Variants in SCN11A observed in about 807,000 individuals in gnomAD.
SCN11A encodes the protein sodium voltage-gated channel alpha subunit 11, also known as sodium channel protein type 11 subunit alpha.
Under a neutral mutation model 162.2 loss-of-function variants are expected in SCN11A, and 122 were observed. The observed-to-expected ratio is 0.75, with a 90% confidence interval of 0.65 to 0.87. The LOEUF is 0.87. Among genes scored for constraint, SCN11A ranks in the 40% least tolerant of loss-of-function variants. The pLI, the probability that SCN11A is intolerant of heterozygous loss-of-function variation, is 0.00. For synonymous variants in SCN11A, 758 were observed against 751.5 expected (o/e 1.01, Z -0.14); for missense variants, 2,015 against 2,181.6 (o/e 0.92, Z 1.52).
At chr3:38,970,925 C>T (rs990049513) in intron 2 of SCN11A, among the ~76,000 whole-genome samples, 2 of 152,180 alleles carry the variant, frequency 1.3e-5, no homozygotes, top group East Asian at 3.9e-4. Flanking sequence ...AATCCCTAGA[C>T]CCATCTTCCT....
At chr3:39,023,111 G>A (rs1172085122) in intron 2 of SCN11A, among the ~76,000 whole-genome samples, 2 of 152,132 alleles carry the variant, frequency 1.3e-5, no homozygotes, top group African/African-American at 4.8e-5. Context: ...CTGACTGGAA[G>A]AAATGTTTAT....
chr3:38,922,690 A>C (rs1054533189), intron 9 of SCN11A, among the ~76,000 whole-genome samples: 1 of 152,186 alleles, frequency 6.6e-6, no homozygotes, highest in Non-Finnish European at 1.5e-5. Context: ...GAGGAGGAGG[A>C]GGAGGAGGAG....
intron 9 of SCN11A, among the ~76,000 whole-genome samples, chr3:38,922,879 C>T (rs2066076219): frequency 6.6e-6 from 1 of 151,814 alleles, no homozygotes; most frequent in Non-Finnish European, 1.5e-5. Flanking sequence ...CTAAATAGTT[C>T]CCATGTCTTT....
At chr3:39,043,264 CA>C in intron 1 of SCN11A, among the ~76,000 whole-genome samples, 1 of 152,114 alleles carries the variant, frequency 6.6e-6, no homozygotes, top group East Asian at 1.9e-4. Flanking sequence ...TTAGCAGTCT[CA>C]AAAAACTAAA....
intron 2 of SCN11A, among the ~76,000 whole-genome samples, chr3:38,980,946 A>C (rs1473652499): frequency 1.3e-5 from 2 of 152,194 alleles, no homozygotes; most frequent in African/African-American, 4.8e-5. Context: ...CAGAGCCTGA[A>C]ATTTCTGATA....
intron 11 of SCN11A, among the ~76,000 whole-genome samples, chr3:38,916,965 A>G (rs1416698499): frequency 1.3e-5 from 2 of 152,198 alleles, no homozygotes; most frequent in East Asian, 3.8e-4. Flanking sequence ...GCTGTGTACT[A>G]GGAGTTGGTT....
chr3:38,985,409 C>T (rs952778817), intron 2 of SCN11A, among the ~76,000 whole-genome samples: 3 of 150,696 alleles, frequency 2.0e-5, no homozygotes, highest in Admixed American at 1.3e-4. Context: ...GGATTACAGG[C>T]GTGAGCCACC....
At chr3:38,886,441 G>A (rs980163423) in intron 19 of SCN11A, among the ~76,000 whole-genome samples, 3 of 152,146 alleles carry the variant, frequency 2.0e-5, no homozygotes, top group African/African-American at 7.2e-5. Context: ...AACAGATACT[G>A]AACTTGTTAC....
chr3:38,993,172 C>T (rs1283527157), intron 2 of SCN11A, among the ~76,000 whole-genome samples: 1 of 152,246 alleles, frequency 6.6e-6, no homozygotes, highest in Non-Finnish European at 1.5e-5. Flanking sequence ...TGAGAATCCA[C>T]CTGGACTCCT....
chr3:38,970,028 T>C (rs546161542), intron 2 of SCN11A, among the ~76,000 whole-genome samples: 8 of 124,558 alleles, frequency 6.4e-5, no homozygotes, highest in Admixed American at 5.4e-4. Flanking sequence ...CTGTCACCTG[T>C]ATCCACTCTT....
At chr3:38,868,837 G>A (rs2065081275) in intron 26 of SCN11A, among the ~76,000 whole-genome samples, 1 of 152,200 alleles carries the variant, frequency 6.6e-6, no homozygotes, top group Non-Finnish European at 1.5e-5. Context: ...TGACTTAAGA[G>A]ATTTGAGTAA....
At chr3:38,861,887 A>G (rs943970282) in intron 28 of SCN11A, among the ~76,000 whole-genome samples, 6 of 152,178 alleles carry the variant, frequency 3.9e-5, no homozygotes, top group African/African-American at 9.6e-5. Flanking sequence ...AAATAAATAA[A>G]TGAGACCTAA....
chr3:38,870,858 C>G (rs376597324), intron 25 of SCN11A, 114 bp from the exon 26 acceptor site: 3 of 801,738 alleles, frequency 3.7e-6, no homozygotes, highest in Non-Finnish European at 6.4e-6. Context: ...GATGATACCC[C>G]AACCTTCTAG....
intron 2 of SCN11A, among the ~76,000 whole-genome samples, chr3:39,007,343 T>G (rs2031006657): frequency 6.6e-6 from 1 of 152,202 alleles, no homozygotes; most frequent in East Asian, 1.9e-4. Flanking sequence ...GGAGCACCTT[T>G]TGTTATAACA....
intron 2 of SCN11A, among the ~76,000 whole-genome samples, chr3:39,011,912 A>G (rs1459768397): frequency 6.6e-6 from 1 of 152,212 alleles, no homozygotes; most frequent in African/African-American, 2.4e-5. Flanking sequence ...CTGAATTACA[A>G]AAAACAGGTC....
chr3:38,902,589 C>G (rs1338936916), intron 16 of SCN11A, among the ~76,000 whole-genome samples: 1 of 151,384 alleles, frequency 6.6e-6, no homozygotes, highest in Non-Finnish European at 1.5e-5. Context: ...ACGATCTCGG[C>G]TCACTGCAAG....
intron 2 of SCN11A, among the ~76,000 whole-genome samples, chr3:38,965,080 T>G (rs994659749): frequency 1.3e-5 from 2 of 152,196 alleles, no homozygotes; most frequent in Non-Finnish European, 2.9e-5. Flanking sequence ...GACTGATTCT[T>G]CAGAGACAGC....
intron 28 of SCN11A, among the ~76,000 whole-genome samples, chr3:38,860,193 T>C (rs1290515710): frequency 6.6e-6 from 1 of 152,120 alleles, no homozygotes; most frequent in Non-Finnish European, 1.5e-5. Context: ...TAAAAACCTC[T>C]GATCCCTGAA....
intron 2 of SCN11A, among the ~76,000 whole-genome samples, chr3:38,995,349 T>C (rs2030593212): frequency 1.3e-5 from 2 of 152,176 alleles, no homozygotes; most frequent in African/African-American, 2.4e-5. Context: ...CTCCATCCCC[T>C]GACCTTGTGA....
Sources: gnomAD v4.1 joint callset for allele counts (sites outside exome capture counted in the v4.1 genomes callset) on GRCh38, gnomAD v4.1.1 for gene constraint, MANE v1.5 for transcripts, NCBI Gene and HGNC (gene_info 2026-07-23, HGNC 2026-07-21) for gene names.